Variants in ANKS1B observed in about 807,000 individuals in gnomAD.
ANKS1B encodes ankyrin repeat and sterile alpha motif domain-containing protein 1B.
ANKS1B carries 36 observed loss-of-function variants against 148.3 expected under a neutral mutation model. The observed-to-expected ratio is 0.24, with a 90% CI of 0.19 to 0.32. The LOEUF (loss-of-function observed/expected upper bound fraction) is 0.32, where lower values mean the gene tolerates loss of function less well. Among genes scored for constraint, ANKS1B ranks in the 10% least tolerant of loss-of-function variants. ANKS1B has a pLI of 1.00. For synonymous variants in ANKS1B, 542 were observed against 560.8 expected (o/e 0.97, Z 0.47); for missense variants, 1,157 against 1,542.6 (o/e 0.75, Z 4.19).
At chr12:99,220,549 C>T (rs990938424) in intron 14 of ANKS1B, among the ~76,000 whole-genome samples, 6 of 149,636 alleles carry the variant, frequency 4.0e-5, no homozygotes, top group Non-Finnish European at 8.9e-5. Flanking sequence ...CAGGTTCACA[C>T]CATTCTCCTG....
chr12:99,273,344 T>C (rs954156422), intron 12 of ANKS1B, among the ~76,000 whole-genome samples: 1 of 152,168 alleles, frequency 6.6e-6, no homozygotes, highest in South Asian at 2.1e-4. Context: ...TCTAAAAACA[T>C]TGTGGGATTT....
intron 17 of ANKS1B, among the ~76,000 whole-genome samples, chr12:98,955,420 A>G (rs188344306): frequency 2.2e-4 from 33 of 152,118 alleles, no homozygotes; most frequent in Non-Finnish European, 5.9e-5. Context: ...GGAGAATGAC[A>G]GGAGAGATGA....
chr12:98,856,020 G>A (rs972689790), intron 17 of ANKS1B, among the ~76,000 whole-genome samples: 10 of 152,194 alleles, frequency 6.6e-5, no homozygotes, highest in African/African-American at 2.2e-4. Flanking sequence ...ACTTTCTCTG[G>A]TCTGCTCTTT....
chr12:99,063,121 G>T (rs911704518), intron 16 of ANKS1B, among the ~76,000 whole-genome samples: 1 of 152,156 alleles, frequency 6.6e-6, no homozygotes, highest in Non-Finnish European at 1.5e-5. Context: ...TATCCCTGAT[G>T]TGCCAGGCTC....
At chr12:99,378,616 T>C (rs931629093) in intron 12 of ANKS1B, among the ~76,000 whole-genome samples, 5 of 135,556 alleles carry the variant, frequency 3.7e-5, no homozygotes, top group South Asian at 2.2e-4. Context: ...GATCACGCAC[T>C]GCACTCCAGC....
chr12:98,904,079 ATAAAT>A (rs1009140615), intron 17 of ANKS1B, among the ~76,000 whole-genome samples: 14 of 151,910 alleles, frequency 9.2e-5, no homozygotes, highest in Middle Eastern at 6.8e-3. Context: ...AAATAATTTA[ATAAAT>A]TAAATTAATA....
rs542035888 is a variant in ANKS1B at position 99,089,225 on chromosome 12, T to G, written c.2527-4202A>C. 2.9e-4 allele frequency among the ~76,000 whole-genome samples: 44 copies of G among 152,070 alleles called. 1 individual carries two copies. In the South Asian group the frequency reaches 8.9e-3, roughly 31 times the overall value. On this transcript the variant is annotated intron_variant, in intron 15 of 26. Transcript: ENST00000683438. ...ATGATTTGGGGGCAGAGCTCCGTCA[T>G]GTCCATCTTCTGTTTAGTCATCTAC...
intron 15 of ANKS1B, among the ~76,000 whole-genome samples, chr12:99,085,857 G>A (rs1382493290): frequency 6.6e-6 from 1 of 152,144 alleles, no homozygotes; most frequent in South Asian, 2.1e-4. Flanking sequence ...GCTGGCGCCT[G>A]TTGGAGGGTG....
At chr12:98,847,543 T>C (rs935325540) in intron 17 of ANKS1B, among the ~76,000 whole-genome samples, 7 of 152,348 alleles carry the variant, frequency 4.6e-5, no homozygotes, top group African/African-American at 1.7e-4. Flanking sequence ...TCTTAGGACA[T>C]TGTGACTAAT....
chr12:98,949,113 C>T (rs1350638804), intron 17 of ANKS1B, among the ~76,000 whole-genome samples: 1 of 151,766 alleles, frequency 6.6e-6, no homozygotes, highest in Non-Finnish European at 1.5e-5. Context: ...CCAACACACC[C>T]AGCTAATTTT....
exon 10 of ANKS1B, chr12:98,735,630 A>G (rs766079170): frequency 2.6e-6 from 2 of 769,262 alleles, no homozygotes; most frequent in Admixed American, 3.4e-5. Flanking sequence ...GGCATGAAGA[A>G]GATCCTGTAA....
At chr12:98,877,856 C>T (rs1307907498) in intron 17 of ANKS1B, among the ~76,000 whole-genome samples, 1 of 152,104 alleles carries the variant, frequency 6.6e-6, no homozygotes, top group African/African-American at 2.4e-5. Context: ...ACAAACTCAT[C>T]CTCTATTTCC....
intron 1 of ANKS1B, among the ~76,000 whole-genome samples, chr12:99,941,870 C>G (rs1415723256): frequency 6.6e-6 from 1 of 152,122 alleles, no homozygotes; most frequent in Non-Finnish European, 1.5e-5. Flanking sequence ...ATGGCATCAC[C>G]ATGCAGAGAA....
At chr12:99,447,827 T>C (rs1370044927) in intron 10 of ANKS1B, among the ~76,000 whole-genome samples, 2 of 151,990 alleles carry the variant, frequency 1.3e-5, no homozygotes, top group Non-Finnish European at 2.9e-5. Flanking sequence ...GACATACAAA[T>C]GGCCGACAGG....
At position 99,920,798 on chromosome 12, in the gene ANKS1B, T is replaced by A. The variant is rs553613862; in HGVS notation, c.134+63306A>T. Among the ~76,000 whole-genome samples the A allele has an allele frequency of 1.8e-4, 27 of 152,222 alleles. No homozygotes were observed. The East Asian group carries it at 4.9e-3, about 27-fold the overall frequency. ...CTCAAGAACAGAACAAATTTGCCCT[T>A]CCTCCACTTTCTTGTTCTATTCAGG... On this transcript the variant is annotated intron_variant, in intron 1 of 26. Transcript: ENST00000683438.
intron 15 of ANKS1B, among the ~76,000 whole-genome samples, chr12:99,113,682 T>C (rs979383175): frequency 6.6e-6 from 1 of 152,160 alleles, no homozygotes; most frequent in East Asian, 1.9e-4. Context: ...CTTCATCCAA[T>C]AGCATGATTT....
At chr12:99,275,280 A>G (rs187874768) in intron 12 of ANKS1B, among the ~76,000 whole-genome samples, 3 of 152,300 alleles carry the variant, frequency 2.0e-5, no homozygotes, top group Admixed American at 6.5e-5. Flanking sequence ...GTGCTATCAA[A>G]TACTAGATTC....
chr12:98,884,011 T>C (rs2099725996), intron 17 of ANKS1B, among the ~76,000 whole-genome samples: 1 of 152,186 alleles, frequency 6.6e-6, no homozygotes, highest in Non-Finnish European at 1.5e-5. Flanking sequence ...TAAAGGTGTG[T>C]ATTAAATGAA....
At chr12:99,620,147 C>G (rs779713756) in intron 9 of ANKS1B, among the ~76,000 whole-genome samples, 7 of 152,112 alleles carry the variant, frequency 4.6e-5, no homozygotes, top group Non-Finnish European at 1.0e-4. Context: ...AGCCAAAACA[C>G]CCTACCCAGT....
Sources: allele counts gnomAD v4.1 joint callset (sites outside exome capture counted in the v4.1 genomes callset), GRCh38; gene constraint gnomAD v4.1.1; transcripts MANE v1.5; gene names NCBI Gene and HGNC (gene_info 2026-07-23, HGNC 2026-07-21).